GRM5: variants seen among roughly 807,000 people sequenced by gnomAD.
The protein encoded by GRM5 is metabotropic glutamate receptor 5.
A neutral mutation model predicts 83.1 loss-of-function variants in GRM5; 19 were observed. The ratio of observed to expected loss-of-function variants is 0.23; its 90% CI spans 0.16 to 0.34. The LOEUF (loss-of-function observed/expected upper bound fraction) is 0.34. Ranked by LOEUF, GRM5 falls within the 10% of genes least tolerant of loss-of-function variation. The pLI, the probability that GRM5 is intolerant of heterozygous loss-of-function variation, is 1.00. For synonymous variants in GRM5, 675 were observed against 633.6 expected (o/e 1.07, Z -0.98); for missense variants, 1,160 against 1,588.3 (o/e 0.73, Z 4.58).
chr11:88,521,586 C>G (rs968531023), intron 9 of GRM5, among the ~76,000 whole-genome samples: 2 of 152,128 alleles, frequency 1.3e-5, no homozygotes, highest in African/African-American at 4.8e-5. Flanking sequence ...GTTCTTAGAG[C>G]CACCTCCCTG....
intron 7 of GRM5, among the ~76,000 whole-genome samples, chr11:88,568,766 C>A (rs1942923386): frequency 6.6e-6 from 1 of 151,852 alleles, no homozygotes; most frequent in African/African-American, 2.4e-5. Flanking sequence ...GAAATATGAC[C>A]AACACTAGTA....
chr11:88,799,190 G>A (rs1307502936), intron 3 of GRM5, among the ~76,000 whole-genome samples: 4 of 151,998 alleles, frequency 2.6e-5, no homozygotes, highest in African/African-American at 4.8e-5. Context: ...ATTTTTATAT[G>A]AGAATTTTCA....
At chr11:88,883,006 C>G (rs1292048451) in intron 2 of GRM5, among the ~76,000 whole-genome samples, 1 of 152,158 alleles carries the variant, frequency 6.6e-6, no homozygotes, top group African/African-American at 2.4e-5. Flanking sequence ...ATGCCTTCTG[C>G]TATGATTTTT....
chr11:88,520,965 T>A (rs1397008638), intron 9 of GRM5, among the ~76,000 whole-genome samples: 1 of 152,142 alleles, frequency 6.6e-6, no homozygotes. Flanking sequence ...CTCTTTTTGT[T>A]CAAAAATAAC....
intron 2 of GRM5, among the ~76,000 whole-genome samples, chr11:88,940,351 T>C (rs1014834655): frequency 2.6e-5 from 4 of 151,124 alleles, no homozygotes; most frequent in African/African-American, 9.7e-5. Flanking sequence ...TAAAAGCAAT[T>C]CAGCCTCCAG....
At chr11:88,944,127 C>A (rs181312672) in intron 2 of GRM5, among the ~76,000 whole-genome samples, 46 of 152,036 alleles carry the variant, frequency 3.0e-4, no homozygotes, top group Non-Finnish European at 6.2e-4. Context: ...CATGAAAGGA[C>A]TTTATTAGGC....
Position 88,509,072 on chromosome 11 carries a change from C to A in GRM5, c.3159G>T (p.Ser1053=). The A allele has an allele frequency of 2.6e-6, 4 of 1,552,742 alleles. No individual in the cohort carries two copies. Among genetic ancestry groups the A allele is most frequent in the South Asian group, 1.2e-5 (1 of 84,252 alleles). Residue 1053 remains serine, a synonymous_variant, in exon 10 of 10, where the codon TCG becomes TCT. Transcript: ENST00000305447. ...TGATCTGCTCCATGAGGGAGCCCTG[C>A]GAGGAGCTGCTGCGCGCCACAGGCT... ...HSEPVARSSS[S]QGSLMEQISS...
intron 3 of GRM5, among the ~76,000 whole-genome samples, chr11:88,667,807 C>T (rs192504492): frequency 5.9e-5 from 9 of 151,850 alleles, no homozygotes; most frequent in Non-Finnish European, 1.0e-4. Flanking sequence ...ACAGGAAAAT[C>T]GCTTGAACCT....
chr11:88,868,965 G>A (rs1944718122), intron 2 of GRM5, among the ~76,000 whole-genome samples: 1 of 151,684 alleles, frequency 6.6e-6, no homozygotes. Flanking sequence ...TAGTACCAAA[G>A]TATTGGCTTT....
At chr11:88,961,224 G>T (rs1938773169) in intron 2 of GRM5, among the ~76,000 whole-genome samples, 2 of 152,154 alleles carry the variant, frequency 1.3e-5, no homozygotes, top group African/African-American at 4.8e-5. Context: ...TGAACTCACT[G>T]TTTTAGAATA....
chr11:88,605,620 T>C (rs1388743119), intron 4 of GRM5, among the ~76,000 whole-genome samples: 1 of 152,168 alleles, frequency 6.6e-6, no homozygotes, highest in Non-Finnish European at 1.5e-5. Context: ...AACATGGAGC[T>C]TGTACATAAG....
intron 3 of GRM5, among the ~76,000 whole-genome samples, chr11:88,689,911 T>G (rs961950070): frequency 1.3e-5 from 2 of 152,220 alleles, no homozygotes; most frequent in Non-Finnish European, 2.9e-5. Context: ...AGAACATTTT[T>G]TTTTTGTTTT....
At chr11:88,919,849 C>G (rs1344434887) in intron 2 of GRM5, among the ~76,000 whole-genome samples, 3 of 151,734 alleles carry the variant, frequency 2.0e-5, no homozygotes, top group Admixed American at 6.6e-5. Context: ...ATTCATGAAG[C>G]CAATGAAAAT....
intron 3 of GRM5, among the ~76,000 whole-genome samples, chr11:88,719,499 T>C (rs1266395605): frequency 2.0e-5 from 3 of 152,102 alleles, no homozygotes; most frequent in African/African-American, 7.2e-5. Context: ...TCTTTTCTAT[T>C]GCTAATAGGG....
At chr11:88,522,051 G>A (rs1043195999) in intron 9 of GRM5, among the ~76,000 whole-genome samples, 2 of 152,126 alleles carry the variant, frequency 1.3e-5, no homozygotes, top group African/African-American at 4.8e-5. Flanking sequence ...GACACTCTCG[G>A]TTTTCTGTGG....
intron 2 of GRM5, among the ~76,000 whole-genome samples, chr11:88,988,301 G>A (rs966305658): frequency 5.9e-5 from 9 of 151,524 alleles, no homozygotes; most frequent in Non-Finnish European, 1.3e-4. Context: ...GAGAAGGGAA[G>A]TTTAGAGAAA....
intron 2 of GRM5, among the ~76,000 whole-genome samples, chr11:89,009,556 A>G: frequency 6.6e-6 from 1 of 152,274 alleles, no homozygotes; most frequent in South Asian, 2.1e-4. Context: ...CAGAATACAA[A>G]AAGTGTTTAA....
intron 4 of GRM5, among the ~76,000 whole-genome samples, chr11:88,630,065 A>T (rs1162739138): frequency 6.6e-6 from 1 of 152,102 alleles, no homozygotes; most frequent in South Asian, 2.1e-4. Context: ...TTCTCCTGAA[A>T]TCATCTTCTC....
intron 3 of GRM5, among the ~76,000 whole-genome samples, chr11:88,686,680 A>G (rs963431862): frequency 2.0e-5 from 3 of 152,150 alleles, no homozygotes; most frequent in African/African-American, 7.2e-5. Context: ...TCCTTACGGT[A>G]GTGAATAAGT....
Sources: allele counts gnomAD v4.1 joint callset (sites outside exome capture counted in the v4.1 genomes callset), GRCh38; gene constraint gnomAD v4.1.1; transcripts MANE v1.5; gene names NCBI Gene and HGNC (gene_info 2026-07-23, HGNC 2026-07-21).